DGKI: variants seen among roughly 807,000 people sequenced by gnomAD.
DGKI encodes diacylglycerol kinase iota.
DGKI carries 55 observed loss-of-function variants against 147.5 expected under a neutral mutation model. The ratio of observed to expected loss-of-function variants is 0.37; its 90% CI spans 0.30 to 0.47. The LOEUF (loss-of-function observed/expected upper bound fraction) is 0.47. DGKI is among the 20% of genes least tolerant of loss of function. DGKI has a pLI of 1.00. For synonymous variants in DGKI, 469 were observed against 477.1 expected (o/e 0.98, Z 0.22); for missense variants, 1,007 against 1,323.8 (o/e 0.76, Z 3.71).
chr7:137,746,632 T>C (rs1425293718), intron 1 of DGKI, among the ~76,000 whole-genome samples: 4 of 152,154 alleles, frequency 2.6e-5, no homozygotes, highest in South Asian at 2.1e-4. Flanking sequence ...TGCTCAAGCA[T>C]GCACAGGCTT....
At chr7:137,391,557 T>C (rs1811366213) in intron 32 of DGKI, among the ~76,000 whole-genome samples, 1 of 152,166 alleles carries the variant, frequency 6.6e-6, no homozygotes, top group Non-Finnish European at 1.5e-5. Flanking sequence ...ACATGTGCGA[T>C]TGGTAAATGA....
rs866018933 is a variant in DGKI, at chr7:137,846,666, G to T, written c.197C>A (p.Thr66Lys). The T allele has an allele frequency of 9.3e-7, 1 of 1,073,334 alleles. No individual in the cohort carries two copies. The highest frequency in any genetic ancestry group is 3.1e-5 in the South Asian group (1 of 31,780). 66.5% of individuals were successfully genotyped at this position (1,073,334 alleles called of 1,614,324 possible). ...SSSAGEEKGATGGSSSSGSGA... is the reference protein window; with the variant it reads ...SSSAGEEKGAKGGSSSSGSGA... The stretch of plus-strand genomic sequence containing the variant: ...GCTTCCGCTGCTGCTGCTGCCGCCC[G>T]TCGCCCCTTTCTCCTCTCCCGCCGA... Residue 66 changes from threonine (T) to lysine (K), a missense_variant, in exon 1 of 33, where the codon ACG becomes AAG. Transcript: ENST00000614521. This position sits in a 1 kb window ranked among gnomAD's most constrained non-coding sequence, Gnocchi z 4.0.
intron 8 of DGKI, among the ~76,000 whole-genome samples, chr7:137,610,747 A>G (rs1012851604): frequency 6.6e-6 from 1 of 152,232 alleles, no homozygotes; most frequent in African/African-American, 2.4e-5. Context: ...TGAGCATTCA[A>G]AATAATCTTT....
At chr7:137,642,895 T>G (rs1821680897) in intron 6 of DGKI, among the ~76,000 whole-genome samples, 1 of 149,968 alleles carries the variant, frequency 6.7e-6, no homozygotes, top group African/African-American at 2.5e-5. Context: ...AAGCAATTAT[T>G]CTTCACTCCA....
At chr7:137,591,949 A>G (rs1016330567) in intron 12 of DGKI, among the ~76,000 whole-genome samples, 1 of 152,232 alleles carries the variant, frequency 6.6e-6, no homozygotes, top group Non-Finnish European at 1.5e-5. Context: ...TGTAAAGAAC[A>G]GTAAAAGCAG....
chr7:137,793,305 T>G (rs1796920391), intron 1 of DGKI, among the ~76,000 whole-genome samples: 3 of 138,750 alleles, frequency 2.2e-5, no homozygotes, highest in Admixed American at 2.1e-4. Flanking sequence ...TGCCTTTTTT[T>G]TGTTTTTTTT....
intron 20 of DGKI, among the ~76,000 whole-genome samples, chr7:137,533,043 G>A (rs1817395206): frequency 6.6e-6 from 1 of 152,152 alleles, no homozygotes; most frequent in African/African-American, 2.4e-5. Flanking sequence ...AGTGGCACCT[G>A]TAATTTCAGC....
At chr7:137,405,615 C>T (rs1168279969) in intron 30 of DGKI, among the ~76,000 whole-genome samples, 1 of 152,164 alleles carries the variant, frequency 6.6e-6, no homozygotes, top group Non-Finnish European at 1.5e-5. Context: ...ATCTGTTTCC[C>T]AACCTTTTAA....
intron 2 of DGKI, among the ~76,000 whole-genome samples, chr7:137,689,314 T>C (rs186051316): frequency 6.6e-6 from 1 of 152,350 alleles, no homozygotes; most frequent in African/African-American, 2.4e-5. Flanking sequence ...TCTCAATAAA[T>C]GTGTTTAATC....
chr7:137,448,982 G>GA (rs1418246381), intron 27 of DGKI, among the ~76,000 whole-genome samples: 3 of 151,986 alleles, frequency 2.0e-5, no homozygotes, highest in Non-Finnish European at 4.4e-5. Context: ...ATTGATGAAA[G>GA]AAATTGAAAA....
chr7:137,728,696 A>G (rs1471121842), intron 1 of DGKI, among the ~76,000 whole-genome samples: 1 of 152,160 alleles, frequency 6.6e-6, no homozygotes. Context: ...TCAGACAGAT[A>G]TCACCAGCTT....
At chr7:137,539,966 C>T (rs1817634350) in intron 20 of DGKI, among the ~76,000 whole-genome samples, 1 of 152,278 alleles carries the variant, frequency 6.6e-6, no homozygotes, top group East Asian at 1.9e-4. Flanking sequence ...ACTCTACATA[C>T]ATTAGTTAAC....
Position 137,846,448 on chromosome 7 carries a change from C to A in DGKI, c.401+14G>T. Reference sequence around the variant, plus strand: ...GCGGCGCACCTGTCTCGGCTGCCGGCTCCCCGCACCTACCTGTACGAGACC... The same window carrying A: ...GCGGCGCACCTGTCTCGGCTGCCGGATCCCCGCACCTACCTGTACGAGACC... On this transcript the variant is annotated intron_variant, in intron 1 of 32. Coordinates refer to ENST00000614521, the MANE Select transcript of DGKI (RefSeq NM_001321708.2). The surrounding 1 kb of genome is among the most constrained non-coding windows in gnomAD (Gnocchi z 4.0). 1 of 1,574,446 alleles carries A rather than the reference C, an allele frequency of 6.4e-7. No homozygotes were observed. The highest frequency in any genetic ancestry group is 1.7e-4 in the Middle Eastern group (1 of 5,886).
intron 6 of DGKI, among the ~76,000 whole-genome samples, chr7:137,641,704 T>C (rs956900050): frequency 7.2e-5 from 11 of 152,246 alleles, no homozygotes; most frequent in African/African-American, 2.7e-4. Context: ...AGATAAGGGA[T>C]ATTCAATGTG....
intron 11 of DGKI, among the ~76,000 whole-genome samples, chr7:137,599,409 A>ACT (rs899094821): frequency 1.3e-5 from 2 of 151,232 alleles, no homozygotes; most frequent in African/African-American, 2.4e-5. Flanking sequence ...ACACACACAC[A>ACT]CTCTCTCTTT....
At chr7:137,822,533 A>T (rs976122454) in intron 1 of DGKI, among the ~76,000 whole-genome samples, 12 of 152,284 alleles carry the variant, frequency 7.9e-5, no homozygotes, top group Admixed American at 7.8e-4. Context: ...GGGTTTTTTC[A>T]ATAAAACAAA....
At chr7:137,613,921 T>C (rs913914807) in intron 8 of DGKI, among the ~76,000 whole-genome samples, 1 of 152,162 alleles carries the variant, frequency 6.6e-6, no homozygotes, top group African/African-American at 2.4e-5. Context: ...TGTGGGTGCA[T>C]TTCCATGCAT....
chr7:137,684,838 T>G (rs1401602063), intron 2 of DGKI, among the ~76,000 whole-genome samples: 1 of 152,096 alleles, frequency 6.6e-6, no homozygotes, highest in African/African-American at 2.4e-5. Flanking sequence ...TCAGACCTGA[T>G]GAAGAGGGGG....
At chr7:137,421,449 T>C (rs1342963116) in intron 28 of DGKI, among the ~76,000 whole-genome samples, 4 of 152,238 alleles carry the variant, frequency 2.6e-5, no homozygotes, top group African/African-American at 9.6e-5. Context: ...CTTTTGAAGC[T>C]CCTATTAGCA....
Sources: allele counts gnomAD v4.1 joint callset (sites outside exome capture counted in the v4.1 genomes callset), GRCh38; gene constraint gnomAD v4.1.1; non-coding constraint Gnocchi (gnomAD v3.1); transcripts MANE v1.5; gene names NCBI Gene and HGNC (gene_info 2026-07-23, HGNC 2026-07-21).